The following FARSB variants were observed in gnomAD, a reference collection of about 807,000 sequenced individuals.
FARSB encodes phenylalanyl-tRNA synthetase subunit beta.
In FARSB, 40 loss-of-function variants were observed where a neutral mutation model predicts 69.6. The observed-to-expected ratio is 0.57, with a 90% confidence interval of 0.45 to 0.75. The LOEUF (loss-of-function observed/expected upper bound fraction) is 0.75, where lower values mean the gene tolerates loss of function less well. Among genes scored for constraint, FARSB ranks in the 30% least tolerant of loss-of-function variants. FARSB has a pLI of 0.00. For synonymous variants in FARSB, 235 were observed against 247.2 expected (o/e 0.95, Z 0.46); for missense variants, 632 against 722.9 (o/e 0.87, Z 1.44).
intron 13 of FARSB, among the ~76,000 whole-genome samples, chr2:222,621,512 CAT>C: frequency 6.6e-6 from 1 of 152,194 alleles, no homozygotes; most frequent in Non-Finnish European, 1.5e-5. Context: ...CATGAGCCAC[CAT>C]GCCTGCCAGG....
intron 16 of FARSB, among the ~76,000 whole-genome samples, chr2:222,593,741 C>T (rs548314747): frequency 1.9e-3 from 283 of 151,782 alleles, no homozygotes; most frequent in African/African-American, 6.7e-3. Flanking sequence ...CATGGTGGTA[C>T]GTGCCTGTAG....
chr2:222,653,862 T>C (rs1406513513), intron 1 of FARSB, among the ~76,000 whole-genome samples: 1 of 152,130 alleles, frequency 6.6e-6, no homozygotes, highest in Admixed American at 6.5e-5. Context: ...GCTCAAGCAA[T>C]CTGCCCACCT....
intron 2 of FARSB, among the ~76,000 whole-genome samples, chr2:222,648,257 A>C (rs1300801307): frequency 6.6e-6 from 1 of 152,218 alleles, no homozygotes; most frequent in Non-Finnish European, 1.5e-5. Flanking sequence ...GCAAGTCCTT[A>C]AAAAATATTA....
At chr2:222,582,908 G>T (rs1690010474) in intron 16 of FARSB, among the ~76,000 whole-genome samples, 1 of 149,802 alleles carries the variant, frequency 6.7e-6, no homozygotes, top group South Asian at 2.1e-4. Flanking sequence ...CTGGCAGACA[G>T]AGCAAGACTA....
intron 15 of FARSB, among the ~76,000 whole-genome samples, chr2:222,609,726 C>T (rs1424181332): frequency 2.0e-5 from 3 of 152,136 alleles, no homozygotes; most frequent in African/African-American, 4.8e-5. Context: ...GGCAGCCTGA[C>T]GGCCTCATAC....
intron 2 of FARSB, chr2:222,644,438 G>C (rs1053680239): frequency 2.4e-6 from 1 of 419,612 alleles, no homozygotes; most frequent in South Asian, 1.7e-5. Context: ...GGAATGGGGA[G>C]AGGCAAAAAG....
At chr2:222,573,064 G>T (rs898179346) in intron 16 of FARSB, among the ~76,000 whole-genome samples, 29 of 152,250 alleles carry the variant, frequency 1.9e-4, no homozygotes, top group African/African-American at 6.5e-4. Context: ...AGAGTAAACT[G>T]CTGAGTCTCT....
chr2:222,653,328 C>T (rs1189994409), intron 1 of FARSB, among the ~76,000 whole-genome samples: 1 of 150,896 alleles, frequency 6.6e-6, no homozygotes, highest in African/African-American at 2.5e-5. Flanking sequence ...AATGGAATTT[C>T]AAATAGAAAG....
chr2:222,650,141 G>C (rs1211975824), intron 1 of FARSB, among the ~76,000 whole-genome samples: 1 of 152,192 alleles, frequency 6.6e-6, no homozygotes, highest in African/African-American at 2.4e-5. Flanking sequence ...GAGTTCGTTA[G>C]GCAGAGATTG....
chr2:222,625,355 A>C (rs1324879781), intron 10 of FARSB, among the ~76,000 whole-genome samples: 3 of 152,226 alleles, frequency 2.0e-5, no homozygotes, highest in Admixed American at 6.5e-5. Flanking sequence ...ACACCTTTGG[A>C]AATGTCCTTA....
At chr2:222,585,206 C>T (rs894810884) in intron 16 of FARSB, among the ~76,000 whole-genome samples, 4 of 152,298 alleles carry the variant, frequency 2.6e-5, no homozygotes, top group East Asian at 1.9e-4. Flanking sequence ...CTGCAGCCTC[C>T]GCTGGTGATA....
chr2:222,575,543 C>CA (rs1248461955), intron 16 of FARSB, among the ~76,000 whole-genome samples: 1 of 152,192 alleles, frequency 6.6e-6, no homozygotes, highest in Non-Finnish European at 1.5e-5. Context: ...TGCTCCCCAG[C>CA]AAAAAGCCTC....
chr2:222,571,713 C>G lies in FARSB; in HGVS notation c.*158G>C. 1.6e-6 allele frequency: 1 copy of G among 620,834 alleles called. No homozygotes were observed. The highest frequency in any genetic ancestry group is 3.1e-5 in the East Asian group (1 of 32,628). The allele number at this position is 620,834 out of a possible 1,614,324, so 38.5% of individuals were successfully genotyped here. A position where few individuals can be genotyped will look rare whatever the true frequency, so the allele number is the denominator to read the frequency against. On this transcript the variant is annotated 3_prime_UTR_variant, in exon 17 of 17. Transcript: ENST00000281828. ...ATATGGCACAAGCTGGCCTAATATG[C>G]AGGGAAAGGATGGTCTCTACCCACA...
intron 14 of FARSB, among the ~76,000 whole-genome samples, chr2:222,616,987 T>TAAGTGTGCTAAGCCACAGC (rs776529918): frequency 4.7e-5 from 1 of 21,362 alleles, no homozygotes; most frequent in South Asian, 1.2e-3. Flanking sequence ...GATTGATTCT[T>TAAGTGTGCTAAGCCACAGC]TTTTTTTTTT....
At chr2:222,649,937 T>A (rs1368754896) in intron 1 of FARSB, among the ~76,000 whole-genome samples, 1 of 152,162 alleles carries the variant, frequency 6.6e-6, no homozygotes, top group African/African-American at 2.4e-5. Context: ...AGTACCCACC[T>A]TATACCAGGC....
intron 15 of FARSB, among the ~76,000 whole-genome samples, chr2:222,605,303 GT>G (rs1445672713): frequency 6.6e-6 from 1 of 152,034 alleles, no homozygotes; most frequent in Non-Finnish European, 1.5e-5. Context: ...TTTTTGCCAT[GT>G]GGTACCCATT....
At chr2:222,605,681 G>T (rs1209775559) in intron 15 of FARSB, among the ~76,000 whole-genome samples, 1 of 152,110 alleles carries the variant, frequency 6.6e-6, no homozygotes, top group Non-Finnish European at 1.5e-5. Flanking sequence ...ACTTTAGAAG[G>T]CCGAGGCAGA....
Position 222,571,837 on chromosome 2 carries a change from C to A in FARSB, c.*34G>T. On this transcript the variant is annotated 3_prime_UTR_variant, in exon 17 of 17. Transcript: ENST00000281828. Reference sequence around the variant, plus strand: ...GACACTAGGGGAGGAGAAAGGGACACCTGGGAAGAGAATCACACCACAGAG... The same window carrying A: ...GACACTAGGGGAGGAGAAAGGGACAACTGGGAAGAGAATCACACCACAGAG... 1 of 1,586,366 alleles carries A rather than the reference C, an allele frequency of 6.3e-7. No homozygotes were observed. Among genetic ancestry groups the A allele is most frequent in the Non-Finnish European group, 8.6e-7 (1 of 1,162,950 alleles).
chr2:222,584,225 T>A (rs1310803822), intron 16 of FARSB, among the ~76,000 whole-genome samples: 1 of 152,054 alleles, frequency 6.6e-6, no homozygotes, highest in Non-Finnish European at 1.5e-5. Context: ...AAAAAAAAAT[T>A]TTGCATACCA....
Sources: allele counts gnomAD v4.1 joint callset (sites outside exome capture counted in the v4.1 genomes callset), GRCh38; gene constraint gnomAD v4.1.1; transcripts MANE v1.5; gene names NCBI Gene and HGNC (gene_info 2026-07-23, HGNC 2026-07-21).